Variants in TTC1 observed in about 807,000 individuals in gnomAD.
The protein encoded by TTC1 is tetratricopeptide repeat protein 1.
In TTC1, 31 loss-of-function variants were observed where a neutral mutation model predicts 37.6. That is an observed-to-expected ratio of 0.82 (90% CI 0.62 to 1.11). TTC1 has a LOEUF of 1.11. TTC1 is among the 50% of genes most tolerant of loss of function. The pLI is 0.00. For missense variants in TTC1, 351 were observed against 339.0 expected, an observed-to-expected ratio of 1.04 and a Z score of -0.28; for synonymous variants, 127 against 122.4, an observed-to-expected ratio of 1.04 and a Z score of -0.25.
chr5:160,037,798 A>G (rs1300051573), intron 4 of TTC1, among the ~76,000 whole-genome samples: 2 of 151,490 alleles, frequency 1.3e-5, no homozygotes, highest in Non-Finnish European at 2.9e-5. Context: ...TTTTTTTTAA[A>G]CCATACCACT....
intron 7 of TTC1, among the ~76,000 whole-genome samples, chr5:160,059,754 T>C (rs1757650251): frequency 6.6e-6 from 1 of 152,186 alleles, no homozygotes; most frequent in Non-Finnish European, 1.5e-5. Flanking sequence ...CACCCCAAAA[T>C]AATTAAATAG....
At chr5:160,033,550 A>C (rs185469680) in intron 2 of TTC1, among the ~76,000 whole-genome samples, 225 of 152,372 alleles carry the variant, frequency 1.5e-3, no homozygotes, top group African/African-American at 5.0e-3. Context: ...GAATTGCCTG[A>C]GAGTGGGTGA....
intron 6 of TTC1, among the ~76,000 whole-genome samples, chr5:160,050,853 T>C (rs1478161783): frequency 6.6e-6 from 1 of 152,082 alleles, no homozygotes; most frequent in Admixed American, 6.5e-5. Flanking sequence ...CTCAAACTCC[T>C]GAGCTCAAGC....
chr5:160,012,592 C>T (rs1756521921), intron 2 of TTC1, among the ~76,000 whole-genome samples: 4 of 152,100 alleles, frequency 2.6e-5, no homozygotes, highest in Admixed American at 2.0e-4. Flanking sequence ...TGGTCTCCAA[C>T]TCCTGGGCTC....
intron 6 of TTC1, 63 bp downstream of exon 6, chr5:160,049,725 C>T (rs1757352448): frequency 7.8e-7 from 1 of 1,278,990 alleles, no homozygotes; most frequent in Admixed American, 3.0e-5. Context: ...CCAGTGAGTC[C>T]TAAATAATCC....
At chr5:160,053,060 C>T (rs534634205) in intron 7 of TTC1, among the ~76,000 whole-genome samples, 100 of 152,298 alleles carry the variant, frequency 6.6e-4, no homozygotes, top group Middle Eastern at 6.8e-3. Flanking sequence ...AGAAATCACT[C>T]TTTACATGGA....
intron 7 of TTC1, among the ~76,000 whole-genome samples, chr5:160,059,309 C>T (rs147685908): frequency 1.8e-3 from 281 of 152,314 alleles, no homozygotes; most frequent in African/African-American, 6.5e-3. Flanking sequence ...TCACTTTGCA[C>T]GTTTATGTTA....
At chr5:160,064,881 C>T (rs1300477737) in intron 7 of TTC1, 51 bp from the exon 8 acceptor site, 15 of 1,571,216 alleles carry the variant, frequency 9.5e-6, no homozygotes, top group Non-Finnish European at 1.3e-5. Flanking sequence ...TGGTACCTTC[C>T]TGCTTCTGTT....
At chr5:160,036,533 A>G in intron 3 of TTC1, 158 bp from the exon 4 acceptor site, 1 of 577,386 alleles carries the variant, frequency 1.7e-6, no homozygotes, top group Non-Finnish European at 3.1e-6. Context: ...AGAAAAGAAG[A>G]AATGATTTTT....
At chr5:160,021,943 T>C (rs543123197) in intron 2 of TTC1, among the ~76,000 whole-genome samples, 1 of 152,300 alleles carries the variant, frequency 6.6e-6, no homozygotes, top group East Asian at 1.9e-4. Context: ...CTCTGGGTAC[T>C]GTGATCCCTG....
At chr5:160,062,794 G>T (rs1287585544) in intron 7 of TTC1, among the ~76,000 whole-genome samples, 1 of 151,774 alleles carries the variant, frequency 6.6e-6, no homozygotes, top group Non-Finnish European at 1.5e-5. Context: ...ATTTTCTTGG[G>T]CTGCTTTTGA....
At chr5:160,039,733 T>C (rs1253359370) in intron 4 of TTC1, among the ~76,000 whole-genome samples, 3 of 152,236 alleles carry the variant, frequency 2.0e-5, no homozygotes, top group Non-Finnish European at 4.4e-5. Flanking sequence ...AAATTGTGTG[T>C]CTTTGACTTA....
intron 5 of TTC1, among the ~76,000 whole-genome samples, chr5:160,044,449 G>A (rs368721427): frequency 3.3e-5 from 5 of 152,310 alleles, no homozygotes; most frequent in African/African-American, 1.2e-4. Flanking sequence ...AGCAAGGGGT[G>A]GATTACTCAT....
At chr5:160,053,288 A>G (rs1757451501) in intron 7 of TTC1, among the ~76,000 whole-genome samples, 1 of 152,184 alleles carries the variant, frequency 6.6e-6, no homozygotes, top group South Asian at 2.1e-4. Context: ...AGCAGTTAAA[A>G]ATTTTTTAAA....
At chr5:160,042,601 T>C (rs930322867) in intron 4 of TTC1, among the ~76,000 whole-genome samples, 3 of 152,156 alleles carry the variant, frequency 2.0e-5, no homozygotes, top group Non-Finnish European at 2.9e-5. Flanking sequence ...ACTAATTGAG[T>C]TAGATATTTT....
intron 2 of TTC1, among the ~76,000 whole-genome samples, chr5:160,024,968 C>T (rs1010978635): frequency 6.6e-6 from 1 of 152,200 alleles, no homozygotes; most frequent in African/African-American, 2.4e-5. Context: ...TCCAGAGTAG[C>T]TGGGACTGCA....
intron 7 of TTC1, among the ~76,000 whole-genome samples, 199 bp downstream of exon 7, chr5:160,051,382 T>G (rs992918289): frequency 6.6e-6 from 1 of 152,190 alleles, no homozygotes; most frequent in East Asian, 1.9e-4. Flanking sequence ...CCAGATTTCC[T>G]TTTTGATTTT....
intron 7 of TTC1, among the ~76,000 whole-genome samples, chr5:160,053,764 A>G (rs1004112358): frequency 6.6e-6 from 1 of 152,088 alleles, no homozygotes; most frequent in Non-Finnish European, 1.5e-5. Context: ...AGTAGTACAA[A>G]ATGGGTTTTT....
chr5:160,010,634 C>G lies in TTC1; in HGVS notation c.106C>G (p.Pro36Ala), dbSNP rs373914769. The stretch of plus-strand genomic sequence containing the variant: ...GTGTGCTGGCCCTCCAGTTCCTGAT[C>G]CCAAAAATCAGCATTCCCAGAGTAA... ...AECAGPPVPD[P>A]KNQHSQSKLL... Residue 36 changes from proline to alanine, a missense_variant, in exon 2 of 8, where the codon CCC (proline) becomes GCC (alanine). Pro to Ala is a conservative substitution (Grantham distance 27). Transcript: ENST00000231238. 5.2e-5 allele frequency: 84 copies of G among 1,613,872 alleles called. No individual in the cohort carries two copies. The highest frequency in any genetic ancestry group is 8.5e-6 in the Non-Finnish European group (10 of 1,179,990).
Sources: gnomAD v4.1 joint callset for allele counts (sites outside exome capture counted in the v4.1 genomes callset) on GRCh38, gnomAD v4.1.1 for gene constraint, MANE v1.5 for transcripts, NCBI Gene and HGNC (gene_info 2026-07-23, HGNC 2026-07-21) for gene names.